The following CEP85L variants were observed in gnomAD, a reference collection of about 807,000 sequenced individuals.
CEP85L encodes the protein centrosomal protein 85L.
In CEP85L, 60 loss-of-function variants were observed where a neutral mutation model predicts 100.3. That is an observed-to-expected ratio of 0.60 (90% CI 0.49 to 0.74). CEP85L has a LOEUF of 0.74. CEP85L is among the 30% of genes least tolerant of loss of function. The pLI is 0.00. For synonymous variants in CEP85L, 319 were observed against 322.7 expected, an observed-to-expected ratio of 0.99 and a Z score of 0.12; for missense variants, 973 against 936.2, an observed-to-expected ratio of 1.04 and a Z score of -0.51.
intron 1 of CEP85L, among the ~76,000 whole-genome samples, chr6:118,704,458 T>A (rs1269182970): frequency 6.6e-6 from 1 of 151,950 alleles, no homozygotes; most frequent in East Asian, 1.9e-4. Context: ...AACAGCCTAG[T>A]GTTCTGTTTT....
chr6:118,660,742 TTC>T (rs1258905396), intron 1 of CEP85L, among the ~76,000 whole-genome samples: 1 of 152,208 alleles, frequency 6.6e-6, no homozygotes, highest in Non-Finnish European at 1.5e-5. Flanking sequence ...GATACTCTCA[TTC>T]CACTACGCCT....
At chr6:118,500,232 A>C (rs1775193396) in intron 5 of CEP85L, among the ~76,000 whole-genome samples, 1 of 152,072 alleles carries the variant, frequency 6.6e-6, no homozygotes, top group Non-Finnish European at 1.5e-5. Context: ...GCTTGAGCCC[A>C]GGAGTTGGAG....
chr6:118,470,292 G>GATGAATGCCAGCTAA (rs1772849891), intron 11 of CEP85L, among the ~76,000 whole-genome samples: 1 of 151,894 alleles, frequency 6.6e-6, no homozygotes, highest in Admixed American at 6.6e-5. Context: ...CTTTTTTATA[G>GATGAATGCCAGCTAA]ATGAATGCCA....
At position 118,695,554 on chromosome 6, in the gene CEP85L, C is replaced by G. The variant is rs927361936; in HGVS notation, c.-28+14482G>C. ...ATGAAACTAGATTATTTGCATTTCTCACAAGTACCCAAGTGATGCTGATGT... is the reference window on the plus strand; with the variant it reads ...ATGAAACTAGATTATTTGCATTTCTGACAAGTACCCAAGTGATGCTGATGT... On this transcript the variant is annotated intron_variant, in intron 1 of 13. Transcript: ENST00000368488. 7.2e-5 allele frequency among the ~76,000 whole-genome samples: 11 copies of G among 152,204 alleles called. 1 individual carries two copies. The highest frequency in any genetic ancestry group is 2.7e-4 in the African/African-American group (11 of 41,450).
intron 12 of CEP85L, among the ~76,000 whole-genome samples, chr6:118,466,809 G>C (rs1470412117): frequency 6.6e-6 from 1 of 152,216 alleles, no homozygotes; most frequent in Non-Finnish European, 1.5e-5. Context: ...AATGGATTAG[G>C]GGGAGGGGAT....
At chr6:118,501,820 GAGA>G in intron 5 of CEP85L, 1 of 1,278,192 alleles carries the variant, frequency 7.8e-7, no homozygotes, top group Non-Finnish European at 1.1e-6. Flanking sequence ...GAGAGAGAGA[GAGA>G]GAGAGAGAGG....
intron 3 of CEP85L, among the ~76,000 whole-genome samples, chr6:118,547,230 A>C (rs911442623): frequency 2.0e-5 from 3 of 151,138 alleles, no homozygotes; most frequent in African/African-American, 7.4e-5. Context: ...AGATAAACAG[A>C]GAAGAGGAGA....
At chr6:118,490,604 A>C (rs569849529) in intron 6 of CEP85L, among the ~76,000 whole-genome samples, 19 of 152,342 alleles carry the variant, frequency 1.2e-4, no homozygotes, top group African/African-American at 4.6e-4. Context: ...TATTTATCCA[A>C]GATAAATGAA....
intron 2 of CEP85L, among the ~76,000 whole-genome samples, chr6:118,602,381 A>T (rs1781830551): frequency 6.6e-6 from 1 of 152,234 alleles, no homozygotes; most frequent in East Asian, 1.9e-4. Flanking sequence ...AGTAAACTAA[A>T]CTAGAAGGTT....
intron 5 of CEP85L, among the ~76,000 whole-genome samples, chr6:118,505,245 AG>A (rs1775569522): frequency 6.6e-6 from 1 of 151,956 alleles, no homozygotes; most frequent in Non-Finnish European, 1.5e-5. Flanking sequence ...GTTCAAGACC[AG>A]CCTGGCCAAC....
intron 5 of CEP85L, among the ~76,000 whole-genome samples, chr6:118,498,154 A>G (rs1418523992): frequency 1.3e-5 from 2 of 152,278 alleles, no homozygotes; most frequent in East Asian, 3.9e-4. Flanking sequence ...GTAAAAAGAG[A>G]AGTGTAATAA....
At chr6:118,698,878 C>G (rs890675041) in intron 1 of CEP85L, among the ~76,000 whole-genome samples, 1 of 151,376 alleles carries the variant, frequency 6.6e-6, no homozygotes, top group African/African-American at 2.5e-5. Flanking sequence ...TGACGGTAAC[C>G]CCTGAGCTTT....
chr6:118,555,911 C>T (rs1483413624), intron 3 of CEP85L, among the ~76,000 whole-genome samples: 1 of 151,868 alleles, frequency 6.6e-6, no homozygotes, highest in Non-Finnish European at 1.5e-5. Flanking sequence ...ATTTGGTTTT[C>T]TTTTCCTATG....
chr6:118,684,944 G>A (rs1201280384), intron 1 of CEP85L, among the ~76,000 whole-genome samples: 3 of 152,110 alleles, frequency 2.0e-5, no homozygotes, highest in African/African-American at 4.8e-5. Flanking sequence ...GAAGCACCGC[G>A]CCTGGCCCCT....
At chr6:118,602,988 T>A (rs1562300177) in intron 2 of CEP85L, among the ~76,000 whole-genome samples, 1 of 152,184 alleles carries the variant, frequency 6.6e-6, no homozygotes, top group East Asian at 1.9e-4. Context: ...GTCCAACTAA[T>A]TTTTTGTATT....
At chr6:118,596,641 A>G (rs989673992) in intron 2 of CEP85L, among the ~76,000 whole-genome samples, 6 of 152,128 alleles carry the variant, frequency 3.9e-5, no homozygotes, top group African/African-American at 1.4e-4. Context: ...TATTCAGGTA[A>G]TATCTTAATA....
chr6:118,513,016 G>A (rs1318979385), intron 4 of CEP85L, among the ~76,000 whole-genome samples: 3 of 151,996 alleles, frequency 2.0e-5, no homozygotes, highest in South Asian at 2.1e-4. Flanking sequence ...AAGAATGAAC[G>A]AACATGTTAA....
At chr6:118,619,003 T>C (rs1273524487) in intron 2 of CEP85L, among the ~76,000 whole-genome samples, 1 of 151,828 alleles carries the variant, frequency 6.6e-6, no homozygotes, top group South Asian at 2.1e-4. Flanking sequence ...ATGATTTCCA[T>C]TCTGCCGGTA....
chr6:118,635,477 A>G (rs1183708739), intron 1 of CEP85L, among the ~76,000 whole-genome samples: 1 of 152,212 alleles, frequency 6.6e-6, no homozygotes, highest in Non-Finnish European at 1.5e-5. Context: ...GAAATACATT[A>G]CAGGAACATT....
Sources: allele counts gnomAD v4.1 joint callset (sites outside exome capture counted in the v4.1 genomes callset), GRCh38; gene constraint gnomAD v4.1.1; transcripts MANE v1.5; gene names NCBI Gene and HGNC (gene_info 2026-07-23, HGNC 2026-07-21).